Variants in MGAM observed in about 807,000 individuals in gnomAD.
MGAM encodes maltase-glucoamylase, also known as alpha-1,4-glucosidase.
In MGAM, 253 loss-of-function variants were observed where a neutral mutation model predicts 358.8. That is an observed-to-expected ratio of 0.71 (90% CI 0.64 to 0.78). MGAM has a LOEUF of 0.78. Among genes scored for constraint, MGAM ranks in the 30% least tolerant of loss-of-function variants. The probability of loss-of-function intolerance (pLI) is 0.00; values close to 1 mark genes in which losing one functional copy is unlikely to be tolerated. For synonymous variants in MGAM, 1,105 were observed against 1,227.1 expected (o/e 0.90, Z 2.08); for missense variants, 3,080 against 3,432.6 (o/e 0.90, Z 2.57).
intron 19 of MGAM, among the ~76,000 whole-genome samples, 185 bp from the exon 20 acceptor site, chr7:142,039,930 C>T (rs564422474): frequency 7.9e-5 from 12 of 152,166 alleles, no homozygotes; most frequent in Non-Finnish European, 1.5e-4. Flanking sequence ...AATGTGGCTA[C>T]GTTTGGGATT....
chr7:142,053,048 T>C, intron 26 of MGAM, 64 bp downstream of exon 26: 1 of 1,531,628 alleles, frequency 6.5e-7, no homozygotes, highest in South Asian at 1.1e-5. Flanking sequence ...CTTTTATTGG[T>C]CTGGATCACA....
intron 47 of MGAM, among the ~76,000 whole-genome samples, chr7:142,077,104 T>G (rs1412661204): frequency 1.4e-5 from 2 of 145,808 alleles, no homozygotes; most frequent in East Asian, 4.0e-4. Flanking sequence ...ATAGAATAAT[T>G]ATGATGAGAC....
intron 21 of MGAM, among the ~76,000 whole-genome samples, chr7:142,044,414 ATAT>A (rs1183280728): frequency 7.1e-6 from 1 of 140,024 alleles, no homozygotes; most frequent in Non-Finnish European, 1.5e-5. Flanking sequence ...TATATAATGA[ATAT>A]TATATACACA....
intron 14 of MGAM, among the ~76,000 whole-genome samples, chr7:142,033,203 T>G (rs1427693335): frequency 6.6e-6 from 1 of 152,110 alleles, no homozygotes; most frequent in Non-Finnish European, 1.5e-5. Flanking sequence ...GTGGTAAGTT[T>G]ATGTCATTCT....
At chr7:142,057,541 T>G (rs1371141640) in intron 30 of MGAM, among the ~76,000 whole-genome samples, 613 of 32,248 alleles carry the variant, frequency 0.019, 3 homozygotes, top group Non-Finnish European at 0.025. Flanking sequence ...GTTGGGGTGG[T>G]GGTGGGGGTG....
At chr7:142,017,314 T>G (rs782148252) in intron 3 of MGAM, among the ~76,000 whole-genome samples, 13 of 152,226 alleles carry the variant, frequency 8.5e-5, no homozygotes, top group Non-Finnish European at 1.8e-4. Context: ...ATTCTTTTTG[T>G]GTGCCCTAAT....
intron 21 of MGAM, 82 bp from the exon 22 acceptor site, chr7:142,047,703 G>C: frequency 7.4e-7 from 1 of 1,344,908 alleles, no homozygotes; most frequent in Non-Finnish European, 1.1e-6. Context: ...TTTCCAATTT[G>C]AAATTTGATG....
rs754410929 is a variant in MGAM at position 142,038,521 on chromosome 7, T to C, written c.2232-10T>C. 6.2e-7 allele frequency: 1 copy of C among 1,601,154 alleles called. No individual in the cohort carries two copies. On this transcript the variant is annotated splice_polypyrimidine_tract_variant and intron_variant, in intron 18 of 70. Transcript: ENST00000475668. ...CTCAAATCTCAGTGAACTGTCTCTCTGGTTTTCAGGTTCTACGAGGACAAC... is the reference window on the plus strand; with the variant it reads ...CTCAAATCTCAGTGAACTGTCTCTCCGGTTTTCAGGTTCTACGAGGACAAC...
intron 7 of MGAM, among the ~76,000 whole-genome samples, chr7:142,023,124 A>G (rs1806616349): frequency 6.6e-6 from 1 of 152,112 alleles, no homozygotes; most frequent in Non-Finnish European, 1.5e-5. Flanking sequence ...CAGTGGCACA[A>G]CCATGACTCA....
In MGAM at chr7:142,092,837, G is replaced by A. The variant is rs372102953; in HGVS notation, c.7033+229G>A. On this transcript the variant is annotated intron_variant, in intron 59 of 70. Coordinates refer to ENST00000475668, the MANE Select transcript of MGAM (RefSeq NM_001365693.1). Reference sequence around the variant, plus strand: ...TTGAATTTGTCTAGAAAACACTTACGAGTGGTCATGCCACCAAAGGGTTCT... The same window carrying A: ...TTGAATTTGTCTAGAAAACACTTACAAGTGGTCATGCCACCAAAGGGTTCT... Among the ~76,000 whole-genome samples, 19 of 146,704 alleles carry A rather than the reference G, an allele frequency of 1.3e-4. 3 individuals are homozygous for A. Among genetic ancestry groups the A allele is most frequent in the South Asian group, 8.7e-4 (4 of 4,608 alleles).
At chr7:142,098,882 T>G (rs1344839546) in intron 66 of MGAM, among the ~76,000 whole-genome samples, 2 of 152,244 alleles carry the variant, frequency 1.3e-5, no homozygotes, top group Non-Finnish European at 2.9e-5. Flanking sequence ...TCATAGTTAA[T>G]ATTAATGAAG....
intron 16 of MGAM, 110 bp from the exon 17 acceptor site, chr7:142,036,059 C>A: frequency 1.3e-6 from 1 of 781,104 alleles, no homozygotes; most frequent in Non-Finnish European, 2.1e-6. Context: ...CCCTCCTAGC[C>A]TTCTCGGTAG....
At chr7:142,044,341 T>A (rs1487079752) in intron 21 of MGAM, among the ~76,000 whole-genome samples, 3 of 140,326 alleles carry the variant, frequency 2.1e-5, no homozygotes, top group Non-Finnish European at 3.1e-5. Flanking sequence ...ATATAATATA[T>A]ATATAATATA....
chr7:142,025,182 A>G (rs1173158426), intron 8 of MGAM, 33 bp downstream of exon 8: 3 of 1,501,202 alleles, frequency 2.0e-6, no homozygotes, highest in South Asian at 1.1e-5. Context: ...AACAAGCACA[A>G]GAGTGATTTT....
intron 57 of MGAM, among the ~76,000 whole-genome samples, chr7:142,088,992 GTATGTATC>G (rs1318885484): frequency 3.1e-4 from 20 of 64,412 alleles, no homozygotes; most frequent in East Asian, 1.3e-3. Flanking sequence ...ATGTATGTAT[GTATGTATC>G]TATCTATCTA....
intron 21 of MGAM, among the ~76,000 whole-genome samples, chr7:142,046,292 A>C (rs1394553505): frequency 3.3e-5 from 5 of 151,534 alleles, no homozygotes; most frequent in African/African-American, 9.7e-5. Context: ...GGGGAGTCTA[A>C]GTCTATTGTT....
At position 142,059,515 on chromosome 7, in the gene MGAM, A is replaced by G. The variant is rs763774415; in HGVS notation, c.3863A>G (p.Asp1288Gly). The G allele has an allele frequency of 1.2e-6, 2 of 1,612,704 alleles. No homozygotes were observed. The highest frequency in any genetic ancestry group is 1.1e-5 in the South Asian group (1 of 91,054). The part of the protein sequence containing the change: ...SDIDYMERQL[D>G]FTLSPKFAGF... ...ATCGACTACATGGAGCGGCAGCTGG[A>G]CTTCACCCTCAGCCCCAAGTTTGCT... Residue 1288 changes from aspartate to glycine, a missense_variant, in exon 32 of 71, where the codon GAC becomes GGC. Asp to Gly is a moderately conservative substitution (Grantham distance 94). Around this residue, in one of 5 missense-constraint regions of MGAM, gnomAD observed 1,816 missense variants for 1,840.5 expected, o/e 0.99. Coordinates refer to ENST00000475668, the MANE Select transcript of MGAM (RefSeq NM_001365693.1).
intron 23 of MGAM, 21 bp downstream of exon 23, chr7:142,050,305 A>C: frequency 6.2e-7 from 1 of 1,610,504 alleles, no homozygotes; most frequent in Non-Finnish European, 8.5e-7. Context: ...TATTTTTATG[A>C]ATCTTAGGTG....
rs759809985 is a variant in MGAM at position 142,080,906 on chromosome 7, T to C, written c.5963T>C (p.Phe1988Ser). 25 of 1,556,106 alleles carry C rather than the reference T, an allele frequency of 1.6e-5. 6 individuals are homozygous for C. Among genetic ancestry groups the C allele is most frequent in the African/African-American group, 5.4e-5 (4 of 74,534 alleles). ...GATGTCCTCATTAAGAAGAATCCAT[T>C]TGGGATTGAAATTCGCCGGAAGAGT... is the stretch of plus-strand genomic sequence containing the variant. ...LYDVLIKKNP[F>S]GIEIRRKSTG... The change falls in exon 50 of 71, where the codon TTT becomes TCT. Residue 1988 changes from phenylalanine to serine, a missense_variant. Phe to Ser is a radical substitution (Grantham distance 155, BLOSUM62 -2). Transcript: ENST00000475668.
Sources: gnomAD v4.1 joint callset for allele counts (sites outside exome capture counted in the v4.1 genomes callset) on GRCh38, gnomAD v4.1.1 for gene constraint, gnomAD v4.1.1 regional missense constraint, MANE v1.5 for transcripts, NCBI Gene and HGNC (gene_info 2026-07-23, HGNC 2026-07-21) for gene names.